TMPRSS5: variants seen among roughly 807,000 people sequenced by gnomAD.
The protein encoded by TMPRSS5 is transmembrane serine protease 5.
Under a neutral mutation model 59.7 loss-of-function variants are expected in TMPRSS5, and 45 were observed. The observed-to-expected ratio is 0.75, with a 90% CI of 0.59 to 0.97. The LOEUF is 0.97. Among genes scored for constraint, TMPRSS5 ranks in the 50% least tolerant of loss-of-function variants. TMPRSS5 has a pLI of 0.00. For synonymous variants in TMPRSS5, 225 were observed against 232.0 expected (o/e 0.97, Z 0.27); for missense variants, 585 against 596.7 (o/e 0.98, Z 0.20).
Position 113,690,382 on chromosome 11 carries a change from GAC to G in TMPRSS5, c.1064-11_1064-10del. ...CATATCCGAGCTGTAAGCTATGAGA[GAC>G]ACCGAGAAAAACTGCAGGGCACAAA... On this transcript the variant is annotated splice_polypyrimidine_tract_variant and intron_variant, in intron 10 of 12. Coordinates refer to ENST00000299882, the MANE Select transcript of TMPRSS5 (RefSeq NM_030770.4). The G allele has an allele frequency of 6.3e-7, 1 of 1,598,926 alleles. No individual in the cohort carries two copies. The highest frequency in any genetic ancestry group is 8.5e-7 in the Non-Finnish European group (1 of 1,175,302).
rs569952444 is a variant in TMPRSS5, at chr11:113,694,511, C to T, written c.752G>A (p.Arg251His). 6 of 1,567,114 alleles carry T rather than the reference C, an allele frequency of 3.8e-6. No individual in the cohort carries two copies. The highest frequency in any genetic ancestry group is 2.4e-5 in the South Asian group (2 of 84,994). Residue 251 changes from arginine to histidine, a missense_variant, in exon 8 of 13, where the codon CGC (arginine) becomes CAC (histidine). Coordinates refer to ENST00000299882, the MANE Select transcript of TMPRSS5 (RefSeq NM_030770.4). ...ACAATGTGCAGCAGTCACCACCCAG[C>T]GTGGCGCTAGCACAGAGCCCCCACA... Reference protein sequence around the residue: ...HTCGGSVLAPRWVVTAAHCMH... With the variant: ...HTCGGSVLAPHWVVTAAHCMH...
Position 113,694,464 on chromosome 11 carries a change from C to T in TMPRSS5, c.785+14G>A. On this transcript the variant is annotated intron_variant, in intron 8 of 12. Transcript: ENST00000299882. ...AACTGAGGCTCTCTGTCCTCAGCAGCCACAGAGACTTGCCTGTGCATACAA... is the reference window on the plus strand; with the variant it reads ...AACTGAGGCTCTCTGTCCTCAGCAGTCACAGAGACTTGCCTGTGCATACAA... 6.4e-7 allele frequency: 1 copy of T among 1,556,638 alleles called. No individual in the cohort carries two copies. The highest frequency in any genetic ancestry group is 1.9e-5 in the Admixed American group (1 of 52,280).
At chr11:113,699,262 T>TCTCC (rs1565263703) in intron 3 of TMPRSS5, among the ~76,000 whole-genome samples, 1 of 93,264 alleles carries the variant, frequency 1.1e-5, no homozygotes, top group Non-Finnish European at 2.0e-5. Flanking sequence ...TCTCTCTCTC[T>TCTCC]CTCTCTCTCC....
intron 11 of TMPRSS5, 100 bp downstream of exon 11, chr11:113,690,131 A>T: frequency 6.9e-7 from 1 of 1,450,106 alleles, no homozygotes; most frequent in East Asian, 2.5e-5. Context: ...CACACCACTG[A>T]CAAGCTCAGA....
intron 1 of TMPRSS5, among the ~76,000 whole-genome samples, chr11:113,703,071 A>G (rs1318674926): frequency 6.6e-6 from 1 of 152,232 alleles, no homozygotes; most frequent in African/African-American, 2.4e-5. Context: ...TCCAGACCCC[A>G]GAATGGTAGA....
intron 6 of TMPRSS5, 54 bp downstream of exon 6, chr11:113,696,804 T>C (rs1467387927): frequency 1.2e-5 from 15 of 1,278,718 alleles, no homozygotes; most frequent in Admixed American, 2.0e-5. Flanking sequence ...TTTTGCTGGA[T>C]TGACCACCAG....
rs1241703520 is a variant in TMPRSS5 at position 113,698,886 on chromosome 11, C to A, written c.328+19G>T. On this transcript the variant is annotated intron_variant, in intron 4 of 12. Coordinates refer to ENST00000299882, the MANE Select transcript of TMPRSS5 (RefSeq NM_030770.4). ...CCCTGCTGGGGAGGGAGGCCCGTAG[C>A]CTTAGGGGTGCAGCCCACCTGTTTT... 3 of 1,576,840 alleles carry A rather than the reference C, an allele frequency of 1.9e-6. No homozygotes were observed. Among genetic ancestry groups the A allele is most frequent in the African/African-American group, 1.3e-5 (1 of 74,216 alleles).
At chr11:113,702,537 A>G (rs950573017) in intron 1 of TMPRSS5, among the ~76,000 whole-genome samples, 3 of 152,248 alleles carry the variant, frequency 2.0e-5, no homozygotes, top group Admixed American at 6.5e-5. Flanking sequence ...TGCTGCAGAA[A>G]TTTGCATAAG....
In TMPRSS5 at chr11:113,688,209, C is replaced by T; in HGVS notation, c.*51G>A. ...CCATTAGTGGAGCTGCTGGAGGCCC[C>T]AGGAAGCATGAGGCAGTGGTGTGCA... is the stretch of plus-strand genomic sequence containing the variant. On this transcript the variant is annotated 3_prime_UTR_variant, in exon 13 of 13. Transcript: ENST00000299882. 1 of 1,557,704 alleles carries T rather than the reference C, an allele frequency of 6.4e-7. No individual in the cohort carries two copies. Among genetic ancestry groups the T allele is most frequent in the Non-Finnish European group, 8.7e-7 (1 of 1,152,964 alleles).
rs754077564 is a variant in TMPRSS5 at position 113,693,251 on chromosome 11, T to G, written c.786-2A>C. The G allele has an allele frequency of 1.3e-6, 2 of 1,555,142 alleles. No homozygotes were observed. The highest frequency in any genetic ancestry group is 1.7e-6 in the Non-Finnish European group (2 of 1,148,926). On this transcript the variant is annotated splice_acceptor_variant, in intron 8 of 12. Transcript: ENST00000299882. LOFTEE classifies it high-confidence loss of function. The stretch of plus-strand genomic sequence containing the variant: ...CTGGACAGGCGGGCCAGCCTGAAAC[T>G]GCACACAGGGGCCATGCTGAGCGGG...
At position 113,690,286 on chromosome 11, in the gene TMPRSS5, A is replaced by G; in HGVS notation, c.1151T>C (p.Leu384Pro). 6.4e-7 allele frequency: 1 copy of G among 1,571,856 alleles called. No individual in the cohort carries two copies. The highest frequency in any genetic ancestry group is 1.4e-5 in the African/African-American group (1 of 73,516). The change falls in exon 11 of 13, where the codon CTC (leucine) becomes CCC (proline). Residue 384 changes from leucine (L) to proline (P), a missense_variant. Leu to Pro is a moderately conservative substitution (Grantham distance 98, BLOSUM62 -3). Coordinates refer to ENST00000299882, the MANE Select transcript of TMPRSS5 (RefSeq NM_030770.4). ...GCCAGCGCAAAGCATGCGGGGGGTG[A>G]GGGCTCCGCTGTACACGCAAGAGCT... ...CNSSCVYSGA[L>P]TPRMLCAGYL...
chr11:113,700,050 G>A lies in TMPRSS5; in HGVS notation c.106+16C>T, dbSNP rs1410465202. On this transcript the variant is annotated intron_variant, in intron 2 of 12. Coordinates refer to ENST00000299882, the MANE Select transcript of TMPRSS5 (RefSeq NM_030770.4). The stretch of plus-strand genomic sequence containing the variant: ...GTCCCCACCCTGTCATTCCCCTATG[G>A]CCCAGTCTGGCCTACTGGGATGCTG... 1.3e-6 allele frequency: 2 copies of A among 1,555,254 alleles called. No homozygotes were observed.
chr11:113,694,654 T>C lies in TMPRSS5; in HGVS notation c.623-14A>G, dbSNP rs1352561634. Reference sequence around the variant, plus strand: ...TCGCTCCACACTCTGCCAACAGAGATGGGTGAGATAGAAAGAGAGAGAGAG... The same window carrying C: ...TCGCTCCACACTCTGCCAACAGAGACGGGTGAGATAGAAAGAGAGAGAGAG... On this transcript the variant is annotated splice_polypyrimidine_tract_variant and intron_variant, in intron 7 of 12. Transcript: ENST00000299882. 4 of 1,533,112 alleles carry C rather than the reference T, an allele frequency of 2.6e-6. No homozygotes were observed. The highest frequency in any genetic ancestry group is 2.8e-5 in the African/African-American group (2 of 71,740). The allele number at this position is 1,533,112 out of a possible 1,614,324, so 95.0% of individuals were successfully genotyped here. A position where few individuals can be genotyped will look rare whatever the true frequency, so the allele number is the denominator to read the frequency against.
At chr11:113,692,754 C>G (rs193009214) in intron 9 of TMPRSS5, among the ~76,000 whole-genome samples, 1 of 152,058 alleles carries the variant, frequency 6.6e-6, no homozygotes, top group Admixed American at 6.5e-5. Flanking sequence ...GGCTAGGACC[C>G]GAGGCTAGCC....
intron 1 of TMPRSS5, among the ~76,000 whole-genome samples, chr11:113,702,458 G>A (rs1001865038): frequency 6.6e-6 from 1 of 152,170 alleles, no homozygotes; most frequent in Non-Finnish European, 1.5e-5. Context: ...GAGCATAAAA[G>A]GTTGGAAAAT....
chr11:113,699,238 T>C (rs953531432), intron 3 of TMPRSS5, among the ~76,000 whole-genome samples: 10 of 73,598 alleles, frequency 1.4e-4, no homozygotes, highest in African/African-American at 6.8e-4. Flanking sequence ...TCTCTCTCTC[T>C]CTCTCTCTCT....
At chr11:113,690,490 A>G in intron 10 of TMPRSS5, 117 bp from the exon 11 acceptor site, 1 of 1,443,626 alleles carries the variant, frequency 6.9e-7, no homozygotes, top group Non-Finnish European at 9.2e-7. Context: ...AGGCGAGCCC[A>G]GGGTGGGAGC....
chr11:113,691,881 TCC>T lies in TMPRSS5; in HGVS notation c.965-944_965-943del, dbSNP rs1952788750. Among the ~76,000 whole-genome samples the T allele has an allele frequency of 1.4e-4, 12 of 86,776 alleles. No individual in the cohort carries two copies. In the Admixed American group the frequency reaches 1.5e-3, roughly 11 times the overall value. The allele number at this position is 86,776 out of a possible 152,430, so 56.9% of individuals were successfully genotyped here. ...TCGGTCAACTAAGAAAGTTTTCTTT[TCC>T]TTTTTTTTCTTTTTTTTTTTTTGAG... On this transcript the variant is annotated intron_variant, in intron 9 of 12. Transcript: ENST00000299882.
At chr11:113,697,555 G>T in intron 4 of TMPRSS5, 137 bp from the exon 5 acceptor site, 1 of 989,734 alleles carries the variant, frequency 1.0e-6, no homozygotes, top group East Asian at 2.7e-5. Context: ...CAAGTTCCCT[G>T]CTCCCCGGAG....
Sources: allele counts gnomAD v4.1 joint callset (sites outside exome capture counted in the v4.1 genomes callset), GRCh38; gene constraint gnomAD v4.1.1; transcripts MANE v1.5; gene names NCBI Gene and HGNC (gene_info 2026-07-23, HGNC 2026-07-21).